SLC44A5: variants seen among roughly 807,000 people sequenced by gnomAD.
SLC44A5 encodes solute carrier family 44 member 5.
SLC44A5 carries 57 observed loss-of-function variants against 101.8 expected under a neutral mutation model. That is an observed-to-expected ratio of 0.56 (90% CI 0.45 to 0.70). SLC44A5 has a LOEUF of 0.70. Among genes scored for constraint, SLC44A5 ranks in the 30% least tolerant of loss-of-function variants. SLC44A5 has a pLI of 0.00. For synonymous variants in SLC44A5, 281 were observed against 290.9 expected (o/e 0.97, Z 0.35); for missense variants, 737 against 853.1 (o/e 0.86, Z 1.70).
chr1:75,672,077 C>A, the SLC44A5 span, among the ~76,000 whole-genome samples: 1 of 151,908 alleles, frequency 6.6e-6, no homozygotes, highest in Non-Finnish European at 1.5e-5. Context: ...TCATAAGAAC[C>A]AAAATCAGGT....
chr1:75,370,047 C>G (rs1247622866), intron 3 of SLC44A5, among the ~76,000 whole-genome samples: 2 of 152,194 alleles, frequency 1.3e-5, no homozygotes, highest in Non-Finnish European at 2.9e-5. Flanking sequence ...GGCTTTTACA[C>G]TAAGAGTAGT....
the SLC44A5 span, among the ~76,000 whole-genome samples, chr1:75,696,704 G>T: frequency 6.6e-6 from 1 of 151,880 alleles, no homozygotes; most frequent in South Asian, 2.1e-4. Context: ...GACCATCCTG[G>T]CTAACATGGT....
intron 2 of SLC44A5, among the ~76,000 whole-genome samples, chr1:75,476,489 T>A (rs188661590): frequency 5.9e-4 from 90 of 152,284 alleles, no homozygotes; most frequent in Middle Eastern, 3.4e-3. Context: ...GGGAGTTCTC[T>A]TTCCTAGTCA....
the SLC44A5 span, among the ~76,000 whole-genome samples, chr1:75,676,434 C>T: frequency 6.6e-6 from 1 of 152,148 alleles, no homozygotes; most frequent in Non-Finnish European, 1.5e-5. Context: ...CCATTATTCT[C>T]AGCAAACTAA....
intron 1 of SLC44A5, among the ~76,000 whole-genome samples, chr1:75,603,565 T>C (rs1481975291): frequency 1.3e-5 from 2 of 152,026 alleles, no homozygotes; most frequent in Admixed American, 6.6e-5. Context: ...CAAACTGCTT[T>C]CCACAGTGAC....
At chr1:75,560,842 A>T (rs1166706268) in intron 1 of SLC44A5, among the ~76,000 whole-genome samples, 1 of 152,192 alleles carries the variant, frequency 6.6e-6, no homozygotes, top group Non-Finnish European at 1.5e-5. Flanking sequence ...TTTTACTCAG[A>T]TTTCTAATTT....
At chr1:75,479,946 C>CA (rs1158165784) in intron 2 of SLC44A5, among the ~76,000 whole-genome samples, 1 of 151,780 alleles carries the variant, frequency 6.6e-6, no homozygotes, top group South Asian at 2.1e-4. Context: ...GAGACACAAC[C>CA]AAAAAAAGAG....
At chr1:75,624,509 C>G in the SLC44A5 span, among the ~76,000 whole-genome samples, 1 of 151,988 alleles carries the variant, frequency 6.6e-6, no homozygotes, top group Non-Finnish European at 1.5e-5. Flanking sequence ...GGGCTCTTCT[C>G]CAATCTTTCT....
chr1:75,572,657 G>A (rs1673134122), intron 1 of SLC44A5, among the ~76,000 whole-genome samples: 1 of 152,136 alleles, frequency 6.6e-6, no homozygotes, highest in South Asian at 2.1e-4. Flanking sequence ...ACAAAGTGGA[G>A]AGTTCAGAGG....
At chr1:75,212,385 C>T (rs1646875558) in intron 22 of SLC44A5, among the ~76,000 whole-genome samples, 1 of 152,082 alleles carries the variant, frequency 6.6e-6, no homozygotes, top group South Asian at 2.1e-4. Context: ...GCTGTTTCCC[C>T]CTTTGTGTCT....
At chr1:75,470,274 T>TA (rs988731356) in intron 2 of SLC44A5, among the ~76,000 whole-genome samples, 3 of 152,080 alleles carry the variant, frequency 2.0e-5, no homozygotes, top group South Asian at 2.1e-4. Context: ...AAAACAGCAG[T>TA]AAAAAACATA....
At chr1:75,481,492 C>T (rs1296330147) in intron 2 of SLC44A5, among the ~76,000 whole-genome samples, 1 of 150,616 alleles carries the variant, frequency 6.6e-6, no homozygotes, top group Non-Finnish European at 1.5e-5. Context: ...AGAAAATTTT[C>T]ACAACCTACT....
the SLC44A5 span, among the ~76,000 whole-genome samples, chr1:75,629,576 G>A: frequency 1.3e-5 from 2 of 152,120 alleles, no homozygotes; most frequent in African/African-American, 4.8e-5. Flanking sequence ...TAAGGTAATA[G>A]AAAAGCAAGT....
At chr1:75,243,155 C>T (rs1350589107) in intron 7 of SLC44A5, 144 bp from the exon 8 acceptor site, 4 of 1,062,250 alleles carry the variant, frequency 3.8e-6, no homozygotes, top group African/African-American at 3.3e-5. Flanking sequence ...TTTCCTTGCT[C>T]TCTCTCTTTT....
At chr1:75,681,119 A>C in the SLC44A5 span, among the ~76,000 whole-genome samples, 1 of 152,020 alleles carries the variant, frequency 6.6e-6, no homozygotes, top group South Asian at 2.1e-4. Context: ...GGAAATAATC[A>C]ATAGCTTACC....
intron 2 of SLC44A5, among the ~76,000 whole-genome samples, chr1:75,527,624 T>A (rs1252416156): frequency 6.6e-6 from 1 of 152,180 alleles, no homozygotes; most frequent in Non-Finnish European, 1.5e-5. Context: ...TACCACCTAT[T>A]GATTGGCAAC....
rs1380508129 is a variant in SLC44A5, at chr1:75,528,908, C to CT, written c.13+12526dup. Among the ~76,000 whole-genome samples the CT allele has an allele frequency of 1.1e-4, 17 of 152,268 alleles. No homozygotes were observed. The East Asian group carries it at 3.1e-3, about 28-fold the overall frequency. On this transcript the variant is annotated intron_variant, in intron 2 of 23. Transcript: ENST00000370859. ...CTTGGTCTGTCTATTGCTTATTCAT[C>CT]TTTCATGTAAATGCCTCTTCTTACC...
chr1:75,328,042 A>G (rs1227416977), intron 4 of SLC44A5, among the ~76,000 whole-genome samples: 2 of 152,230 alleles, frequency 1.3e-5, no homozygotes, highest in Non-Finnish European at 2.9e-5. Flanking sequence ...GTTACATGGT[A>G]GGTGGTGCCA....
At chr1:75,223,053 TG>T (rs1647121801) in intron 13 of SLC44A5, among the ~76,000 whole-genome samples, 1 of 152,218 alleles carries the variant, frequency 6.6e-6, no homozygotes, top group Admixed American at 6.5e-5. Context: ...AGTCTTGAAT[TG>T]AAATTTATAA....
Sources: allele counts gnomAD v4.1 joint callset (sites outside exome capture counted in the v4.1 genomes callset), GRCh38; gene constraint gnomAD v4.1.1; transcripts MANE v1.5; gene names NCBI Gene and HGNC (gene_info 2026-07-23, HGNC 2026-07-21).